MYO16: variants seen among roughly 807,000 people sequenced by gnomAD.
The protein encoded by MYO16 is myosin XVI, also known as unconventional myosin-XVI.
MYO16 carries 94 observed loss-of-function variants against 205.3 expected under a neutral mutation model. The ratio of observed to expected loss-of-function variants is 0.46; its 90% CI spans 0.39 to 0.54. The LOEUF is 0.54. Ranked by LOEUF, MYO16 falls within the 20% of genes least tolerant of loss-of-function variation. MYO16 has a pLI of 0.00. For synonymous variants in MYO16, 988 were observed against 954.0 expected, an observed-to-expected ratio of 1.04 and a Z score of -0.66; for missense variants, 2,315 against 2,387.5, an observed-to-expected ratio of 0.97 and a Z score of 0.63.
chr13:109,025,585 G>A (rs1886336717), intron 23 of MYO16, among the ~76,000 whole-genome samples: 1 of 152,086 alleles, frequency 6.6e-6, no homozygotes, highest in Non-Finnish European at 1.5e-5. Flanking sequence ...TCATATATGG[G>A]ATTATCACTT....
chr13:108,714,268 GATAGTC>G (rs1293101686), intron 3 of MYO16, among the ~76,000 whole-genome samples: 2 of 152,190 alleles, frequency 1.3e-5, no homozygotes, highest in Admixed American at 1.3e-4. Context: ...TGTTCGCTAG[GATAGTC>G]TGGATCTCCT....
intron 32 of MYO16, among the ~76,000 whole-genome samples, chr13:109,152,617 G>C (rs957780928): frequency 6.6e-6 from 1 of 152,128 alleles, no homozygotes; most frequent in African/African-American, 2.4e-5. Context: ...CCGGTGATGT[G>C]GCACAGCTGC....
chr13:108,612,955 A>G (rs182828860), intron 1 of MYO16, among the ~76,000 whole-genome samples: 1 of 152,240 alleles, frequency 6.6e-6, no homozygotes, highest in East Asian at 1.9e-4. Flanking sequence ...CAACACAAAG[A>G]CTCTGAAACA....
chr13:108,576,410 AAC>A, the MYO16 span, among the ~76,000 whole-genome samples: 2 of 152,214 alleles, frequency 1.3e-5, no homozygotes, highest in African/African-American at 4.8e-5. Flanking sequence ...CATACTGAGG[AAC>A]AACCAGCTGG....
the MYO16 span, among the ~76,000 whole-genome samples, chr13:108,553,343 A>C: frequency 6.6e-6 from 1 of 152,136 alleles, no homozygotes; most frequent in Non-Finnish European, 1.5e-5. Flanking sequence ...ACAGGGGACA[A>C]ACATTCAAAC....
intron 7 of MYO16, among the ~76,000 whole-genome samples, chr13:108,814,818 A>G (rs1266788982): frequency 6.6e-6 from 1 of 152,220 alleles, no homozygotes. Context: ...ATCTCTTGGA[A>G]TGCCTGGGCA....
At chr13:108,777,904 T>C (rs776923288) in intron 4 of MYO16, among the ~76,000 whole-genome samples, 1 of 152,192 alleles carries the variant, frequency 6.6e-6, no homozygotes, top group Non-Finnish European at 1.5e-5. Context: ...GCATCTGCTA[T>C]TCCCATATTC....
chr13:108,731,295 A>T (rs1285161344), intron 4 of MYO16, among the ~76,000 whole-genome samples: 1 of 152,236 alleles, frequency 6.6e-6, no homozygotes, highest in African/African-American at 2.4e-5. Flanking sequence ...CTCAAGCTAC[A>T]TATATGAATC....
At chr13:108,788,664 T>C (rs1307624402) in intron 5 of MYO16, among the ~76,000 whole-genome samples, 1 of 152,224 alleles carries the variant, frequency 6.6e-6, no homozygotes, top group African/African-American at 2.4e-5. Context: ...TAGTATCCTG[T>C]GGTTCAGCCC....
intron 12 of MYO16, among the ~76,000 whole-genome samples, chr13:108,868,675 C>A (rs999288356): frequency 1.3e-5 from 2 of 152,018 alleles, no homozygotes; most frequent in African/African-American, 4.8e-5. Flanking sequence ...GTAATCTCAG[C>A]ACTTTGAGAA....
rs942630241 is a variant in MYO16, at chr13:108,993,742, T to C, written c.2442+1294T>C. ...ATGATGAACATAAGGAAGAAAGCAG[T>C]TGAGTGTGACCAATAGAATATATGA... On this transcript the variant is annotated intron_variant, in intron 21 of 34. Transcript: ENST00000457511. Among the ~76,000 whole-genome samples the C allele has an allele frequency of 1.6e-4, 24 of 152,290 alleles. No individual in the cohort carries two copies. In the South Asian group the frequency reaches 3.1e-3, roughly 20 times the overall value.
the MYO16 span, among the ~76,000 whole-genome samples, chr13:108,553,558 A>G: frequency 6.6e-6 from 1 of 152,192 alleles, no homozygotes; most frequent in Admixed American, 6.5e-5. Flanking sequence ...TCATTCTCTC[A>G]CATTACACTG....
chr13:108,700,781 G>C (rs895683482), intron 2 of MYO16, among the ~76,000 whole-genome samples: 1 of 152,150 alleles, frequency 6.6e-6, no homozygotes, highest in Non-Finnish European at 1.5e-5. Flanking sequence ...TGGAAAATGA[G>C]AGGTCCATAG....
At chr13:108,533,748 C>T in the MYO16 span, among the ~76,000 whole-genome samples, 3 of 152,052 alleles carry the variant, frequency 2.0e-5, no homozygotes, top group South Asian at 2.1e-4. Context: ...GATTTCCATT[C>T]GGGATGACAT....
the MYO16 span, among the ~76,000 whole-genome samples, chr13:108,508,732 T>C: frequency 6.6e-6 from 1 of 152,190 alleles, no homozygotes; most frequent in Non-Finnish European, 1.5e-5. Flanking sequence ...TAAAGGCTTT[T>C]CTTATCCATT....
chr13:108,638,252 T>C (rs1021119339), intron 1 of MYO16, among the ~76,000 whole-genome samples: 13 of 152,310 alleles, frequency 8.5e-5, no homozygotes, highest in African/African-American at 3.1e-4. Flanking sequence ...TCCACATTGT[T>C]AAGCCAGAGA....
chr13:109,028,826 A>T (rs1024767866), intron 23 of MYO16, among the ~76,000 whole-genome samples: 1 of 151,888 alleles, frequency 6.6e-6, no homozygotes, highest in Non-Finnish European at 1.5e-5. Flanking sequence ...CTTTACGGGA[A>T]TCACATCACT....
At chr13:108,940,394 C>G (rs546957269) in intron 16 of MYO16, among the ~76,000 whole-genome samples, 15 of 151,564 alleles carry the variant, frequency 9.9e-5, no homozygotes, top group Non-Finnish European at 1.6e-4. Flanking sequence ...CTCCCTGGGT[C>G]CCCTGTTCTA....
At chr13:108,554,487 A>C in the MYO16 span, among the ~76,000 whole-genome samples, 1 of 152,146 alleles carries the variant, frequency 6.6e-6, no homozygotes, top group Non-Finnish European at 1.5e-5. Context: ...CCACTTATGC[A>C]CAGAAGTTTT....
Sources: gnomAD v4.1 joint callset for allele counts (sites outside exome capture counted in the v4.1 genomes callset) on GRCh38, gnomAD v4.1.1 for gene constraint, MANE v1.5 for transcripts, NCBI Gene and HGNC (gene_info 2026-07-23, HGNC 2026-07-21) for gene names.